Variants in KALRN observed in about 807,000 individuals in gnomAD.
KALRN encodes the protein kalirin RhoGEF kinase, also known as kalirin.
KALRN carries 70 observed loss-of-function variants against 353.7 expected under a neutral mutation model. That is an observed-to-expected ratio of 0.20 (90% confidence interval 0.16 to 0.24). The LOEUF (loss-of-function observed/expected upper bound fraction) is 0.24. Ranked by LOEUF, KALRN falls within the 10% of genes least tolerant of loss-of-function variation. KALRN has a pLI of 1.00. For missense variants in KALRN, 2,791 were observed against 3,756.7 expected, an observed-to-expected ratio of 0.74 and a Z score of 6.72; for synonymous variants, 1,391 against 1,434.8, an observed-to-expected ratio of 0.97 and a Z score of 0.69.
Position 124,524,855 on chromosome 3 carries a change from A to C in KALRN, c.4935+28442A>C, listed in dbSNP as rs758019660. Among the ~76,000 whole-genome samples, 3 of 152,338 alleles carry C rather than the reference A, an allele frequency of 2.0e-5. No homozygotes were observed. The East Asian group carries it at 5.8e-4, about 29-fold the overall frequency. On this transcript the variant is annotated intron_variant, in intron 33 of 59. Coordinates refer to ENST00000682506, the MANE Select transcript of KALRN (RefSeq NM_001388419.1). ...AAAACCAAAAGTGCAGTCAGAGTTA[A>C]AGATAAGATTGTTAGGTGACCACAC... is the stretch of plus-strand genomic sequence containing the variant.
intron 56 of KALRN, among the ~76,000 whole-genome samples, 180 bp downstream of exon 56, chr3:124,700,213 C>T (rs1559867426): frequency 6.6e-6 from 1 of 152,236 alleles, no homozygotes; most frequent in Non-Finnish European, 1.5e-5. Flanking sequence ...GTTAGGTCTG[C>T]ACCCATGCCT....
chr3:124,670,100 A>T (rs2086214485), intron 47 of KALRN, among the ~76,000 whole-genome samples: 1 of 152,202 alleles, frequency 6.6e-6, no homozygotes. Flanking sequence ...CCTCCTGAGA[A>T]GCTGGGATTA....
chr3:124,319,798 GC>G (rs1308821500), intron 6 of KALRN, among the ~76,000 whole-genome samples: 1 of 151,866 alleles, frequency 6.6e-6, no homozygotes, highest in Non-Finnish European at 1.5e-5. Flanking sequence ...TTCGAGACCA[GC>G]CTGGCCAACA....
At position 124,722,985 on chromosome 3, in the gene KALRN, C is replaced by A. The variant is rs1310708798; in HGVS notation, c.*3515C>A. ...ATATAATGATTTCCTACATCTTTTA[C>A]ATTTGTTTCAAATTAAATAGATATA... is the stretch of plus-strand genomic sequence containing the variant. On this transcript the variant is annotated 3_prime_UTR_variant, in exon 60 of 60. Coordinates refer to ENST00000682506, the MANE Select transcript of KALRN (RefSeq NM_001388419.1). The A allele has an allele frequency of 6.6e-6, 1 of 152,116 alleles. No individual in the cohort carries two copies. Among genetic ancestry groups the A allele is most frequent in the Non-Finnish European group, 1.5e-5 (1 of 68,008 alleles). The allele number at this position is 152,116 out of a possible 1,614,324, so 9.4% of individuals were successfully genotyped here.
At chr3:124,452,791 C>T (rs1037378060) in intron 21 of KALRN, among the ~76,000 whole-genome samples, 2 of 152,218 alleles carry the variant, frequency 1.3e-5, no homozygotes, top group African/African-American at 4.8e-5. Context: ...TACTCTTGGT[C>T]ACAAACTATT....
intron 8 of KALRN, among the ~76,000 whole-genome samples, chr3:124,330,221 C>T (rs997812075): frequency 1.3e-5 from 2 of 149,550 alleles, no homozygotes; most frequent in Non-Finnish European, 1.5e-5. Flanking sequence ...TTGGTGCACT[C>T]GCATTCATTC....
intron 5 of KALRN, among the ~76,000 whole-genome samples, chr3:124,280,243 A>G (rs1233129557): frequency 6.6e-6 from 1 of 152,158 alleles, no homozygotes; most frequent in Non-Finnish European, 1.5e-5. Flanking sequence ...GGGCTGAGGA[A>G]GCCACAGCTT....
intron 1 of KALRN, among the ~76,000 whole-genome samples, chr3:124,178,255 T>C (rs2073060709): frequency 6.6e-6 from 1 of 152,258 alleles, no homozygotes; most frequent in Non-Finnish European, 1.5e-5. Context: ...TACCAAACCC[T>C]ACATATACTG....
intron 1 of KALRN, among the ~76,000 whole-genome samples, chr3:124,110,355 GATATA>G: frequency 3.2e-5 from 2 of 63,430 alleles, no homozygotes; most frequent in East Asian, 6.6e-4. Flanking sequence ...ATCATACTTT[GATATA>G]TATATGACAT....
At position 124,242,912 on chromosome 3, in the gene KALRN, C is replaced by G. The variant is rs187457250; in HGVS notation, c.263+7969C>G. On this transcript the variant is annotated intron_variant, in intron 3 of 59. Coordinates refer to ENST00000682506, the MANE Select transcript of KALRN (RefSeq NM_001388419.1). Reference sequence around the variant, plus strand: ...TGATAGTCAACCATGATTTAGTTACCAAATTATACCAAGAGATGTAGGGAG... The same window carrying G: ...TGATAGTCAACCATGATTTAGTTACGAAATTATACCAAGAGATGTAGGGAG... 2.0e-5 allele frequency among the ~76,000 whole-genome samples: 3 copies of G among 152,188 alleles called. No individual in the cohort carries two copies. In the East Asian group the frequency reaches 5.8e-4, roughly 29 times the overall value.
chr3:124,286,082 C>CCTTCCTTCCTTCCTTT (rs1553893895), intron 5 of KALRN, among the ~76,000 whole-genome samples: 4 of 102,252 alleles, frequency 3.9e-5, no homozygotes, highest in African/African-American at 1.5e-4. Context: ...TTCTTTCCTT[C>CCTTCCTTCCTTCCTTT]CTTTCTTTCT....
intron 5 of KALRN, among the ~76,000 whole-genome samples, chr3:124,295,166 G>A (rs954575975): frequency 2.6e-5 from 4 of 152,208 alleles, no homozygotes; most frequent in African/African-American, 9.7e-5. Flanking sequence ...TTTAGGTCTA[G>A]AGAAGATTTG....
intron 3 of KALRN, among the ~76,000 whole-genome samples, chr3:124,242,912 C>T (rs187457250): frequency 6.6e-6 from 1 of 152,070 alleles, no homozygotes; most frequent in Non-Finnish European, 1.5e-5. Context: ...ATTTAGTTAC[C>T]AAATTATACC....
At chr3:124,184,308 A>G (rs1450902725) in intron 1 of KALRN, among the ~76,000 whole-genome samples, 1 of 152,236 alleles carries the variant, frequency 6.6e-6, no homozygotes, top group Non-Finnish European at 1.5e-5. Flanking sequence ...TAAGGATGGG[A>G]TGAATTAATA....
intron 5 of KALRN, among the ~76,000 whole-genome samples, chr3:124,292,463 TGGAAGCAAGCCAAGA>T (rs1234753181): frequency 6.6e-6 from 1 of 152,142 alleles, no homozygotes; most frequent in Admixed American, 6.5e-5. Flanking sequence ...AGGGAGAGTC[TGGAAGCAAGCCAAGA>T]GGAAGTAAGA....
intron 37 of KALRN, among the ~76,000 whole-genome samples, chr3:124,650,322 T>A (rs1559768044): frequency 6.6e-6 from 1 of 152,194 alleles, no homozygotes; most frequent in Non-Finnish European, 1.5e-5. Context: ...GAGGGAAGAT[T>A]TAATTTGAAA....
chr3:124,428,753 C>T (rs1300845821), intron 15 of KALRN, among the ~76,000 whole-genome samples: 1 of 152,154 alleles, frequency 6.6e-6, no homozygotes, highest in East Asian at 1.9e-4. Flanking sequence ...GGTACTGAAA[C>T]CCATGATGTT....
intron 5 of KALRN, among the ~76,000 whole-genome samples, chr3:124,271,878 A>G (rs765539676): frequency 8.1e-4 from 124 of 152,338 alleles, no homozygotes; most frequent in Admixed American, 1.6e-3. Context: ...TAAATGTACA[A>G]AAAATATACA....
intron 1 of KALRN, among the ~76,000 whole-genome samples, chr3:124,181,987 C>G (rs1373298752): frequency 6.6e-6 from 1 of 152,088 alleles, no homozygotes; most frequent in East Asian, 1.9e-4. Context: ...CCTGGCGTGC[C>G]TTTATAGTGA....
Sources: gnomAD v4.1 joint callset for allele counts (sites outside exome capture counted in the v4.1 genomes callset) on GRCh38, gnomAD v4.1.1 for gene constraint, MANE v1.5 for transcripts, NCBI Gene and HGNC (gene_info 2026-07-23, HGNC 2026-07-21) for gene names.